LYZL1: variants seen among roughly 807,000 people sequenced by gnomAD.
The protein encoded by LYZL1 is lysozyme-like protein 1.
Under a neutral mutation model 17.9 loss-of-function variants are expected in LYZL1, and 16 were observed. The ratio of observed to expected loss-of-function variants is 0.90; its 90% confidence interval spans 0.61 to 1.36. The LOEUF (loss-of-function observed/expected upper bound fraction) is 1.36. LYZL1 is among the 40% of genes most tolerant of loss of function. The probability of loss-of-function intolerance (pLI) is 0.00; values close to 1 mark genes in which losing one functional copy is unlikely to be tolerated. For synonymous variants in LYZL1, 58 were observed against 71.8 expected, an observed-to-expected ratio of 0.81 and a Z score of 0.97; for missense variants, 149 against 188.4, an observed-to-expected ratio of 0.79 and a Z score of 1.22.
chr10:29,298,294 C>A (rs550298775), intron 3 of LYZL1, among the ~76,000 whole-genome samples: 1 of 152,276 alleles, frequency 6.6e-6, no homozygotes, highest in Admixed American at 6.5e-5. Context: ...GGACAACCTT[C>A]TAGGATCTGA....
intron 3 of LYZL1, among the ~76,000 whole-genome samples, chr10:29,317,133 C>T (rs756329967): frequency 3.3e-5 from 5 of 152,176 alleles, no homozygotes; most frequent in Non-Finnish European, 7.3e-5. Context: ...TTTTCTAACA[C>T]ATGACACATA....
Position 29,292,586 on chromosome 10 carries a change from C to T in LYZL1, c.207C>T (p.Ser69=). Residue 69 remains serine, a synonymous_variant, in exon 3 of 5, where the codon AGC becomes AGT. Transcript: ENST00000649382. ...CCCAGACGGTCCTGGATGACGGCAG[C>T]ATCGACTATGGCATCTTCCAGATCA... is the stretch of plus-strand genomic sequence containing the variant. ...TTAQTVLDDG[S]IDYGIFQINS... The T allele has an allele frequency of 6.2e-7, 1 of 1,614,278 alleles. No homozygotes were observed. Among genetic ancestry groups the T allele is most frequent in the Non-Finnish European group, 8.5e-7 (1 of 1,180,054 alleles).
At position 29,310,163 on chromosome 10, in the gene LYZL1, A is replaced by G; in HGVS notation, c.352A>G (p.Lys118Glu). Reference sequence around the variant, plus strand: ...AATTATCTGTGCCAGGAAAATTGTTAAAGAGACACAAGGAATGAACTATTG... The same window carrying G: ...AATTATCTGTGCCAGGAAAATTGTTGAAGAGACACAAGGAATGAACTATTG... ...DAIICARKIV[K>E]ETQGMNYWQG... Residue 118 changes from lysine to glutamate, a missense_variant, in exon 4 of 5, where the codon AAA becomes GAA. Lys to Glu is a moderately conservative substitution (Grantham distance 56). Coordinates refer to ENST00000649382, the MANE Select transcript of LYZL1 (RefSeq NM_032517.6). 6.2e-7 allele frequency: 1 copy of G among 1,611,070 alleles called. No individual in the cohort carries two copies. Among genetic ancestry groups the G allele is most frequent in the Non-Finnish European group, 8.5e-7 (1 of 1,177,296 alleles).
At chr10:29,308,625 C>T (rs7094590) in intron 3 of LYZL1, among the ~76,000 whole-genome samples, 28,776 of 152,174 alleles carry the variant, frequency 0.19, 3,300 homozygotes, top group African/African-American at 0.33. Flanking sequence ...GGATATCAAA[C>T]AATACATTTC....
intron 3 of LYZL1, among the ~76,000 whole-genome samples, chr10:29,300,703 G>C (rs917483320): frequency 6.6e-6 from 1 of 152,090 alleles, no homozygotes; most frequent in African/African-American, 2.4e-5. Context: ...TTTTAGACTA[G>C]AGGTCTACTG....
At chr10:29,295,460 C>A (rs781717872) in intron 3 of LYZL1, among the ~76,000 whole-genome samples, 5 of 152,116 alleles carry the variant, frequency 3.3e-5, no homozygotes, top group Non-Finnish European at 5.9e-5. Flanking sequence ...ATTAGCATTC[C>A]CTAAGAGCTC....
At chr10:29,304,082 G>C (rs1208137026) in intron 3 of LYZL1, among the ~76,000 whole-genome samples, 1 of 152,154 alleles carries the variant, frequency 6.6e-6, no homozygotes, top group Non-Finnish European at 1.5e-5. Flanking sequence ...TCTGAAGCTG[G>C]ACAGTCTCCT....
intron 3 of LYZL1, among the ~76,000 whole-genome samples, chr10:29,301,791 T>C (rs774983688): frequency 4.4e-4 from 67 of 152,312 alleles, no homozygotes; most frequent in Non-Finnish European, 7.8e-4. Flanking sequence ...TAATGGCACA[T>C]ATGTTAGATT....
chr10:29,301,635 A>G (rs951829743), intron 3 of LYZL1, among the ~76,000 whole-genome samples: 20 of 152,180 alleles, frequency 1.3e-4, no homozygotes, highest in African/African-American at 4.6e-4. Flanking sequence ...ACTCATTTTC[A>G]GCAATTTGAT....
Position 29,292,670 on chromosome 10 carries a change from C to G in LYZL1, c.291C>G (p.Ala97=), listed in dbSNP as rs766176169. 6.2e-7 allele frequency: 1 copy of G among 1,613,302 alleles called. No individual in the cohort carries two copies. Among genetic ancestry groups the G allele is most frequent in the African/African-American group, 1.3e-5 (1 of 74,942 alleles). The part of the protein sequence containing the change: ...KLKENNHCHV[A]CSALITDDLT... The stretch of plus-strand genomic sequence containing the variant: ...AGGAGAACAACCACTGCCATGTCGC[C>G]TGCTCAGGTGAGGCTCTGACTTTCC... Residue 97 remains alanine, a synonymous_variant, in exon 3 of 5, where the codon GCC becomes GCG. Coordinates refer to ENST00000649382, the MANE Select transcript of LYZL1 (RefSeq NM_032517.6).
chr10:29,295,405 T>C (rs78812928), intron 3 of LYZL1, among the ~76,000 whole-genome samples: 1 of 152,366 alleles, frequency 6.6e-6, no homozygotes, highest in East Asian at 1.9e-4. Flanking sequence ...ATATTCACTT[T>C]CCATAGGCAT....
intron 1 of LYZL1, among the ~76,000 whole-genome samples, chr10:29,291,139 TC>T (rs1466349773): frequency 3.9e-5 from 6 of 152,174 alleles, no homozygotes; most frequent in Non-Finnish European, 7.3e-5. Flanking sequence ...ACTTAACGAC[TC>T]CATAGCCTAC....
intron 4 of LYZL1, chr10:29,318,092 A>C (rs1256564624): frequency 1.1e-6 from 1 of 882,422 alleles, no homozygotes; most frequent in African/African-American, 1.8e-5. Context: ...TTCAAAAAGC[A>C]AAGGTGCAGA....
intron 3 of LYZL1, among the ~76,000 whole-genome samples, chr10:29,293,134 CTT>C (rs11453474): frequency 5.8e-5 from 7 of 121,010 alleles, no homozygotes; most frequent in Admixed American, 1.8e-4. Context: ...TTTCTTTTTT[CTT>C]TTTTTTTTTT....
chr10:29,301,583 A>G lies in LYZL1; in HGVS notation c.299-8527A>G, dbSNP rs190496619. On this transcript the variant is annotated intron_variant, in intron 3 of 4. Coordinates refer to ENST00000649382, the MANE Select transcript of LYZL1 (RefSeq NM_032517.6). ...CTTATCTTTGTCCCCTGTATGTAAT[A>G]TGTCTTTTTTATCTAGTCATTTTTA... Among the ~76,000 whole-genome samples the G allele has an allele frequency of 3.7e-4, 57 of 152,192 alleles. 2 individuals are homozygous for G. The East Asian group carries it at 0.01, about 27-fold the overall frequency.
intron 4 of LYZL1, among the ~76,000 whole-genome samples, chr10:29,317,946 T>TA (rs397801860): frequency 0.14 from 20,526 of 143,258 alleles, 1,455 homozygotes; most frequent in African/African-American, 0.18. Flanking sequence ...CCTGTCTCTT[T>TA]AAAAAAAAAA....
downstream of LYZL1, among the ~76,000 whole-genome samples, chr10:29,311,870 C>T (rs58381071): frequency 0.067 from 10,176 of 151,838 alleles, 391 homozygotes; most frequent in South Asian, 0.14. Flanking sequence ...GCCAGCTACT[C>T]GGGAGGCTGA....
chr10:29,296,699 C>T (rs1835450476), intron 3 of LYZL1, among the ~76,000 whole-genome samples: 1 of 152,202 alleles, frequency 6.6e-6, no homozygotes, highest in Non-Finnish European at 1.5e-5. Context: ...CCAGGCCAGA[C>T]TCTCCAGATG....
At chr10:29,290,275 G>C (rs1835344146) in intron 1 of LYZL1, among the ~76,000 whole-genome samples, 3 of 152,216 alleles carry the variant, frequency 2.0e-5, no homozygotes, top group Admixed American at 2.0e-4. Context: ...CAAGGCTGTT[G>C]TATTTGGGGA....
Sources: gnomAD v4.1 joint callset for allele counts (sites outside exome capture counted in the v4.1 genomes callset) on GRCh38, gnomAD v4.1.1 for gene constraint, MANE v1.5 for transcripts, NCBI Gene and HGNC (gene_info 2026-07-23, HGNC 2026-07-21) for gene names.